The following NXPE2 variants were observed in gnomAD, a reference collection of about 807,000 sequenced individuals.
NXPE2 encodes NXPE family member 2.
Under a neutral mutation model 34.4 loss-of-function variants are expected in NXPE2, and 34 were observed. The observed-to-expected ratio is 0.99, with a 90% CI of 0.75 to 1.31. The LOEUF (loss-of-function observed/expected upper bound fraction) is 1.31, where lower values mean the gene tolerates loss of function less well. Among genes scored for constraint, NXPE2 ranks in the 40% most tolerant of loss-of-function variants. The pLI, the probability that NXPE2 is intolerant of heterozygous loss-of-function variation, is 0.00. For missense variants in NXPE2, 649 were observed against 672.5 expected, an observed-to-expected ratio of 0.97 and a Z score of 0.39; for synonymous variants, 235 against 231.3, an observed-to-expected ratio of 1.02 and a Z score of -0.15.
the NXPE2 span, among the ~76,000 whole-genome samples, chr11:114,489,059 C>T: frequency 6.6e-6 from 1 of 152,248 alleles, no homozygotes; most frequent in Admixed American, 6.5e-5. Context: ...TACAAATTAC[C>T]ATCAGAGAAT....
chr11:114,532,746 A>T, the NXPE2 span, among the ~76,000 whole-genome samples: 1 of 152,182 alleles, frequency 6.6e-6, no homozygotes. Flanking sequence ...TACATATAAA[A>T]GTATATAGGT....
chr11:114,479,022 G>A, the NXPE2 span, among the ~76,000 whole-genome samples: 1 of 152,176 alleles, frequency 6.6e-6, no homozygotes, highest in Non-Finnish European at 1.5e-5. Flanking sequence ...GGATAATATT[G>A]TGAAATGTCC....
chr11:114,769,644 G>A, the NXPE2 span, among the ~76,000 whole-genome samples: 1 of 152,238 alleles, frequency 6.6e-6, no homozygotes, highest in African/African-American at 2.4e-5. Flanking sequence ...AAAAAGGATG[G>A]GTTCATGTCC....
the NXPE2 span, among the ~76,000 whole-genome samples, chr11:114,533,696 G>C: frequency 8.7e-4 from 133 of 152,326 alleles, no homozygotes; most frequent in Non-Finnish European, 1.2e-3. Flanking sequence ...TGCTAGCACA[G>C]CAATCTGAGA....
the NXPE2 span, among the ~76,000 whole-genome samples, chr11:114,632,053 A>T: frequency 7.0e-6 from 1 of 142,626 alleles, no homozygotes; most frequent in Non-Finnish European, 1.5e-5. Flanking sequence ...ATAATTTAAT[A>T]ATATGTAAGA....
the NXPE2 span, among the ~76,000 whole-genome samples, chr11:114,511,092 T>C: frequency 6.6e-6 from 1 of 152,164 alleles, no homozygotes; most frequent in Non-Finnish European, 1.5e-5. Context: ...AACAGTGTTG[T>C]AAACATTGTT....
chr11:114,792,541 CT>C, the NXPE2 span, among the ~76,000 whole-genome samples: 1 of 152,194 alleles, frequency 6.6e-6, no homozygotes, highest in Non-Finnish European at 1.5e-5. Flanking sequence ...TCTCTTACTG[CT>C]GCTCTGGGGC....
the NXPE2 span, among the ~76,000 whole-genome samples, chr11:114,623,342 T>A: frequency 6.6e-6 from 1 of 151,848 alleles, no homozygotes; most frequent in Non-Finnish European, 1.5e-5. Context: ...TGGTGGAAAA[T>A]AAGTATCGCC....
chr11:114,599,481 C>T, the NXPE2 span, among the ~76,000 whole-genome samples: 3 of 152,142 alleles, frequency 2.0e-5, no homozygotes, highest in East Asian at 5.8e-4. Flanking sequence ...GTGTTCCACT[C>T]CCCAGTGCTA....
At chr11:114,756,644 C>T in the NXPE2 span, among the ~76,000 whole-genome samples, 1 of 151,822 alleles carries the variant, frequency 6.6e-6, no homozygotes, top group Non-Finnish European at 1.5e-5. Flanking sequence ...TGTAGTGTCC[C>T]TCTCAGAATT....
At chr11:114,632,562 T>C in the NXPE2 span, among the ~76,000 whole-genome samples, 1 of 115,770 alleles carries the variant, frequency 8.6e-6, no homozygotes, top group Non-Finnish European at 1.6e-5. Context: ...ATTTGTTATA[T>C]ATTTACATAT....
chr11:114,762,647 T>G, the NXPE2 span, among the ~76,000 whole-genome samples: 1 of 152,170 alleles, frequency 6.6e-6, no homozygotes, highest in Non-Finnish European at 1.5e-5. Context: ...CCGCAGAGGC[T>G]TCTCCCTGCT....
At chr11:114,530,331 G>A in the NXPE2 span, 1 of 1,614,204 alleles carries the variant, frequency 6.2e-7, no homozygotes, top group South Asian at 1.1e-5. Flanking sequence ...TTCAGCATTT[G>A]AGTTTAGGGT....
At chr11:114,613,053 G>A in the NXPE2 span, among the ~76,000 whole-genome samples, 1 of 151,902 alleles carries the variant, frequency 6.6e-6, no homozygotes, top group Non-Finnish European at 1.5e-5. Flanking sequence ...AATACTTGTT[G>A]CCTTGAGGGT....
chr11:114,775,632 C>G, the NXPE2 span, among the ~76,000 whole-genome samples: 1 of 152,164 alleles, frequency 6.6e-6, no homozygotes, highest in Admixed American at 6.5e-5. Context: ...AGTGAGTGAA[C>G]GCAAGCATCT....
chr11:114,638,688 G>A, the NXPE2 span, among the ~76,000 whole-genome samples: 5 of 152,082 alleles, frequency 3.3e-5, no homozygotes, highest in African/African-American at 1.2e-4. Context: ...TAACAGACAG[G>A]ACCGTCAGCT....
At chr11:114,773,279 A>ACCCC in the NXPE2 span, among the ~76,000 whole-genome samples, 47 of 69,378 alleles carry the variant, frequency 6.8e-4, no homozygotes, top group Non-Finnish European at 9.5e-4. Flanking sequence ...ACCCACTCCC[A>ACCCC]CCCCCCCCCC....
the NXPE2 span, chr11:114,571,184 CAGA>C: frequency 5.8e-5 from 93 of 1,613,998 alleles, 1 homozygote; most frequent in Admixed American, 1.5e-3. Context: ...CTGGGCTTCT[CAGA>C]AGAAGATGCT....
the NXPE2 span, among the ~76,000 whole-genome samples, chr11:114,515,747 AG>A: frequency 8.2e-4 from 81 of 98,724 alleles, 6 homozygotes; most frequent in African/African-American, 4.3e-3. Context: ...TTAGAAAGTA[AG>A]TATGAAAGGG....
Sources: allele counts gnomAD v4.1 joint callset (sites outside exome capture counted in the v4.1 genomes callset), GRCh38; gene constraint gnomAD v4.1.1; transcripts MANE v1.5; gene names NCBI Gene and HGNC (gene_info 2026-07-23, HGNC 2026-07-21).